The following CACNA2D1 variants were observed in gnomAD, a reference collection of about 807,000 sequenced individuals.
The protein encoded by CACNA2D1 is calcium voltage-gated channel auxiliary subunit alpha2delta 1.
Under a neutral mutation model 171.5 loss-of-function variants are expected in CACNA2D1, and 53 were observed. That is an observed-to-expected ratio of 0.31 (90% CI 0.25 to 0.39). The LOEUF (loss-of-function observed/expected upper bound fraction) is 0.39. Ranked by LOEUF, CACNA2D1 falls within the 10% of genes least tolerant of loss-of-function variation. The pLI is 1.00. For missense variants in CACNA2D1, 903 were observed against 1,299.8 expected (o/e 0.69, Z 4.69); for synonymous variants, 442 against 443.1 (o/e 1.00, Z 0.03).
intron 1 of CACNA2D1, among the ~76,000 whole-genome samples, chr7:82,362,125 C>G (rs529352042): frequency 4.1e-4 from 63 of 152,176 alleles, no homozygotes; most frequent in African/African-American, 1.5e-3. Context: ...TAAGATGGCA[C>G]GCCCATGTAA....
intron 6 of CACNA2D1, among the ~76,000 whole-genome samples, chr7:82,109,429 T>C (rs1298112669): frequency 6.6e-6 from 1 of 152,144 alleles, no homozygotes; most frequent in Non-Finnish European, 1.5e-5. Flanking sequence ...GAGCACTAGA[T>C]ATGTTAGGAA....
At chr7:82,073,149 A>C (rs1808527411) in intron 7 of CACNA2D1, among the ~76,000 whole-genome samples, 1 of 152,138 alleles carries the variant, frequency 6.6e-6, no homozygotes, top group Admixed American at 6.6e-5. Context: ...AACCTCATGG[A>C]GAATACTGAC....
At chr7:82,008,812 T>C (rs1799417088) in intron 15 of CACNA2D1, among the ~76,000 whole-genome samples, 2 of 152,140 alleles carry the variant, frequency 1.3e-5, no homozygotes, top group South Asian at 4.1e-4. Flanking sequence ...GAGCAAATGT[T>C]GTGGTATCAG....
At chr7:82,276,621 AAT>A (rs1809364208) in intron 3 of CACNA2D1, among the ~76,000 whole-genome samples, 1 of 152,188 alleles carries the variant, frequency 6.6e-6, no homozygotes, top group Admixed American at 6.5e-5. Context: ...TCTTTCAATA[AAT>A]ATGTCTGCCA....
At chr7:82,174,379 T>C (rs1796353812) in intron 3 of CACNA2D1, among the ~76,000 whole-genome samples, 1 of 152,086 alleles carries the variant, frequency 6.6e-6, no homozygotes, top group Admixed American at 6.6e-5. Context: ...AGATACCACA[T>C]GTATATATGA....
At chr7:82,248,346 C>G (rs1184953758) in intron 3 of CACNA2D1, among the ~76,000 whole-genome samples, 1 of 152,124 alleles carries the variant, frequency 6.6e-6, no homozygotes, top group Non-Finnish European at 1.5e-5. Flanking sequence ...GATGAAGGCC[C>G]TTCTGCTGAC....
chr7:82,426,681 G>A (rs1338120420), intron 1 of CACNA2D1, among the ~76,000 whole-genome samples: 1 of 152,062 alleles, frequency 6.6e-6, no homozygotes, highest in Non-Finnish European at 1.5e-5. Flanking sequence ...ATTGTCAAGG[G>A]AGAACACCTA....
chr7:82,217,910 ATTAT>A lies in CACNA2D1; in HGVS notation c.295-47305_295-47302del, dbSNP rs60997591. ...CTATGTAGGGCTTCACCAAGACTACATTATTTATTTATTTATTTATTTATTTATA... is the reference window on the plus strand; with the variant it reads ...CTATGTAGGGCTTCACCAAGACTACATTATTTATTTATTTATTTATTTATA... On this transcript the variant is annotated intron_variant, in intron 3 of 38. Coordinates refer to ENST00000356860, the MANE Select transcript of CACNA2D1 (RefSeq NM_000722.4). Among the ~76,000 whole-genome samples, 620 of 143,820 alleles carry A rather than the reference ATTAT, an allele frequency of 4.3e-3. 5 individuals are homozygous for A. The highest frequency in any genetic ancestry group is 0.015 in the African/African-American group (557 of 38,262). 94.4% of individuals were successfully genotyped at this position (143,820 alleles called of 152,430 possible). A position where few individuals can be genotyped will look rare whatever the true frequency, so the allele number is the denominator to read the frequency against.
chr7:81,967,430 T>C (rs540871856), intron 30 of CACNA2D1, among the ~76,000 whole-genome samples, 166 bp downstream of exon 30: 1 of 151,650 alleles, frequency 6.6e-6, no homozygotes, highest in Non-Finnish European at 1.5e-5. Flanking sequence ...TATTACATAT[T>C]GACTAATTTA....
chr7:82,240,824 G>C (rs534987320), intron 3 of CACNA2D1, among the ~76,000 whole-genome samples: 1 of 152,156 alleles, frequency 6.6e-6, no homozygotes, highest in South Asian at 2.1e-4. Context: ...AAAATTAGCT[G>C]GGTGTGGTAG....
chr7:82,023,416 G>A (rs1328249182), intron 12 of CACNA2D1, among the ~76,000 whole-genome samples: 1 of 151,726 alleles, frequency 6.6e-6, no homozygotes, highest in Non-Finnish European at 1.5e-5. Flanking sequence ...ATTGTGCTGT[G>A]TATCTCCTGC....
intron 1 of CACNA2D1, among the ~76,000 whole-genome samples, chr7:82,370,677 AAAGTGAAAAATACCT>A (rs1247858002): frequency 6.6e-6 from 1 of 151,880 alleles, no homozygotes; most frequent in Non-Finnish European, 1.5e-5. Flanking sequence ...AAATATTTTC[AAAGTGAAAAATACCT>A]ATTCTCAATT....
intron 1 of CACNA2D1, among the ~76,000 whole-genome samples, chr7:82,350,390 A>T (rs1245793417): frequency 6.6e-6 from 1 of 152,132 alleles, no homozygotes; most frequent in Non-Finnish European, 1.5e-5. Flanking sequence ...TCCGGGCCAG[A>T]CACGGTGGCT....
chr7:81,966,517 A>C (rs555673548), intron 31 of CACNA2D1, among the ~76,000 whole-genome samples: 1 of 151,548 alleles, frequency 6.6e-6, no homozygotes, highest in Middle Eastern at 3.4e-3. Flanking sequence ...TCCCTTGGAG[A>C]TATACAGACA....
intron 3 of CACNA2D1, among the ~76,000 whole-genome samples, chr7:82,321,376 G>A (rs528568988): frequency 6.6e-6 from 1 of 152,020 alleles, no homozygotes; most frequent in Admixed American, 6.6e-5. Flanking sequence ...TCCAGCCTGG[G>A]TGACAGAGCA....
intron 12 of CACNA2D1, among the ~76,000 whole-genome samples, chr7:82,026,605 G>C (rs1801952092): frequency 6.6e-6 from 1 of 151,594 alleles, no homozygotes; most frequent in South Asian, 2.1e-4. Flanking sequence ...AATTAGTACT[G>C]CATGCACAAC....
chr7:82,312,050 A>G (rs1246555873), intron 3 of CACNA2D1, among the ~76,000 whole-genome samples: 1 of 152,302 alleles, frequency 6.6e-6, no homozygotes, highest in East Asian at 1.9e-4. Context: ...GTGATTTTCA[A>G]AAGTCTAATA....
At chr7:82,011,331 T>C (rs942029385) in intron 15 of CACNA2D1, among the ~76,000 whole-genome samples, 1 of 152,164 alleles carries the variant, frequency 6.6e-6, no homozygotes, top group African/African-American at 2.4e-5. Flanking sequence ...AAGTTTATGT[T>C]GGGCTGCATT....
At chr7:82,281,740 A>G (rs980624969) in intron 3 of CACNA2D1, among the ~76,000 whole-genome samples, 5 of 152,204 alleles carry the variant, frequency 3.3e-5, no homozygotes, top group Admixed American at 1.3e-4. Context: ...ATGAATATAA[A>G]TATCAAATGT....
Sources: allele counts gnomAD v4.1 joint callset (sites outside exome capture counted in the v4.1 genomes callset), GRCh38; gene constraint gnomAD v4.1.1; transcripts MANE v1.5; gene names NCBI Gene and HGNC (gene_info 2026-07-23, HGNC 2026-07-21).